NR3C2: variants seen among roughly 807,000 people sequenced by gnomAD.
NR3C2 encodes the protein mineralocorticoid receptor.
In NR3C2, 15 loss-of-function variants were observed where a neutral mutation model predicts 86.4. That is an observed-to-expected ratio of 0.17 (90% CI 0.12 to 0.27). NR3C2 has a LOEUF of 0.27. NR3C2 is among the 10% of genes least tolerant of loss of function. The pLI, the probability that NR3C2 is intolerant of heterozygous loss-of-function variation, is 1.00. For synonymous variants in NR3C2, 458 were observed against 450.5 expected, an observed-to-expected ratio of 1.02 and a Z score of -0.21; for missense variants, 960 against 1,195.6, an observed-to-expected ratio of 0.80 and a Z score of 2.91.
intron 3 of NR3C2, among the ~76,000 whole-genome samples, chr4:148,245,457 T>A (rs1739273064): frequency 6.6e-6 from 1 of 152,206 alleles, no homozygotes; most frequent in South Asian, 2.1e-4. Flanking sequence ...ACAAACTGCT[T>A]AATTTCTCTA....
intron 2 of NR3C2, among the ~76,000 whole-genome samples, chr4:148,275,966 T>C (rs1740940719): frequency 6.6e-6 from 1 of 152,090 alleles, no homozygotes; most frequent in East Asian, 1.9e-4. Flanking sequence ...TAAAATGCCA[T>C]CATAATAAAG....
intron 2 of NR3C2, among the ~76,000 whole-genome samples, chr4:148,413,909 A>C (rs1355278416): frequency 6.6e-6 from 1 of 152,234 alleles, no homozygotes; most frequent in African/African-American, 2.4e-5. Context: ...ATAAAATGCA[A>C]GATGTATACA....
intron 2 of NR3C2, among the ~76,000 whole-genome samples, chr4:148,362,313 G>A (rs1000581603): frequency 2.0e-5 from 3 of 152,028 alleles, no homozygotes; most frequent in Non-Finnish European, 4.4e-5. Context: ...TATAGAAGGA[G>A]GATACTGAAT....
intron 2 of NR3C2, among the ~76,000 whole-genome samples, chr4:148,384,473 T>G (rs1262646649): frequency 7.0e-6 from 1 of 142,698 alleles, no homozygotes; most frequent in East Asian, 2.0e-4. Context: ...AAATAAGAAT[T>G]TGTTTTTTTT....
intron 8 of NR3C2, among the ~76,000 whole-genome samples, chr4:148,105,112 A>T (rs1731735409): frequency 6.6e-6 from 1 of 152,208 alleles, no homozygotes; most frequent in Non-Finnish European, 1.5e-5. Context: ...GAGGGAAATT[A>T]CCAGGACCAC....
intron 4 of NR3C2, among the ~76,000 whole-genome samples, chr4:148,170,658 TAGA>T: frequency 6.6e-6 from 1 of 152,222 alleles, no homozygotes; most frequent in East Asian, 1.9e-4. Context: ...CCATGCTTTA[TAGA>T]TGGGTGAATT....
chr4:148,122,985 C>T (rs954894558), intron 6 of NR3C2, among the ~76,000 whole-genome samples: 1 of 152,152 alleles, frequency 6.6e-6, no homozygotes, highest in South Asian at 2.1e-4. Context: ...GCAAAAAAAG[C>T]CATATTTTTC....
intron 2 of NR3C2, among the ~76,000 whole-genome samples, chr4:148,277,161 G>C (rs1741000449): frequency 6.6e-6 from 1 of 151,994 alleles, no homozygotes; most frequent in Non-Finnish European, 1.5e-5. Context: ...TTTTCTTTTG[G>C]TAAATGTTGG....
intron 3 of NR3C2, among the ~76,000 whole-genome samples, chr4:148,234,593 G>A (rs1046410047): frequency 6.6e-6 from 1 of 150,560 alleles, no homozygotes; most frequent in Non-Finnish European, 1.5e-5. Flanking sequence ...TGAGGCAGGA[G>A]AATTGCTTGA....
chr4:148,204,020 A>T (rs1158113307), intron 3 of NR3C2, among the ~76,000 whole-genome samples: 1 of 152,198 alleles, frequency 6.6e-6, no homozygotes, highest in African/African-American at 2.4e-5. Flanking sequence ...GTGTTTCAAG[A>T]GTTCTTCCCA....
intron 2 of NR3C2, among the ~76,000 whole-genome samples, chr4:148,308,856 G>T (rs1006937682): frequency 3.9e-5 from 6 of 152,106 alleles, no homozygotes; most frequent in Non-Finnish European, 8.8e-5. Context: ...GGTGGCACAT[G>T]CCTGTGGTCC....
At chr4:148,218,032 CTTGTT>C (rs1363064206) in intron 3 of NR3C2, among the ~76,000 whole-genome samples, 4 of 152,142 alleles carry the variant, frequency 2.6e-5, no homozygotes, top group Admixed American at 2.6e-4. Context: ...GTTTTGTTGT[CTTGTT>C]TTAATTTTCT....
chr4:148,152,459 A>AG lies in NR3C2; in HGVS notation c.2510+9dup. 1 of 1,612,562 alleles carries AG rather than the reference A, an allele frequency of 6.2e-7. No homozygotes were observed. Among genetic ancestry groups the AG allele is most frequent in the Non-Finnish European group, 8.5e-7 (1 of 1,178,738 alleles). The stretch of plus-strand genomic sequence containing the variant: ...GTTTATTTTATGAAGGCTAATTAAT[A>AG]GGTACTTACTCATTAAAGACTAGGT... On this transcript the variant is annotated intron_variant, in intron 6 of 8. Coordinates refer to ENST00000358102, the MANE Select transcript of NR3C2 (RefSeq NM_000901.5).
intron 1 of NR3C2, 34 bp downstream of exon 1, chr4:148,442,126 G>A (rs373826053): frequency 1.3e-5 from 2 of 152,554 alleles, no homozygotes; most frequent in African/African-American, 2.4e-5. Context: ...CGCCGAGCAC[G>A]GCAAGCGGTG....
At chr4:148,204,080 G>A (rs1348851060) in intron 3 of NR3C2, among the ~76,000 whole-genome samples, 1 of 152,044 alleles carries the variant, frequency 6.6e-6, no homozygotes, top group African/African-American at 2.4e-5. Flanking sequence ...GTTGTGAAAG[G>A]TGTTCGTTTT....
At chr4:148,242,534 C>T (rs1044267719) in intron 3 of NR3C2, among the ~76,000 whole-genome samples, 6 of 152,272 alleles carry the variant, frequency 3.9e-5, no homozygotes, top group Non-Finnish European at 7.4e-5. Context: ...TTTCTTGATT[C>T]CTGTGGGCCC....
chr4:148,152,917 T>C (rs1734169856), intron 5 of NR3C2, among the ~76,000 whole-genome samples: 1 of 152,216 alleles, frequency 6.6e-6, no homozygotes, highest in East Asian at 1.9e-4. Context: ...TTGAGAGAAT[T>C]TGTATTAACC....
At chr4:148,192,019 T>C (rs964790280) in intron 4 of NR3C2, among the ~76,000 whole-genome samples, 2 of 152,208 alleles carry the variant, frequency 1.3e-5, no homozygotes, top group Non-Finnish European at 2.9e-5. Context: ...TTTGGATCCA[T>C]TGCTGGTGCA....
intron 2 of NR3C2, chr4:148,368,383 T>C (rs1284540122): frequency 2.6e-5 from 4 of 152,162 alleles, no homozygotes; most frequent in East Asian, 3.9e-4. Flanking sequence ...ATTAAGTGTG[T>C]ACAACCGAAT....
Sources: gnomAD v4.1 joint callset for allele counts (sites outside exome capture counted in the v4.1 genomes callset) on GRCh38, gnomAD v4.1.1 for gene constraint, MANE v1.5 for transcripts, NCBI Gene and HGNC (gene_info 2026-07-23, HGNC 2026-07-21) for gene names.